RANBP3L: variants seen among roughly 807,000 people sequenced by gnomAD.
RANBP3L encodes the protein ran-binding protein 3-like.
RANBP3L carries 56 observed loss-of-function variants against 67.2 expected under a neutral mutation model. That is an observed-to-expected ratio of 0.83 (90% CI 0.67 to 1.04). The LOEUF (loss-of-function observed/expected upper bound fraction) is 1.04, where lower values mean the gene tolerates loss of function less well. Ranked by LOEUF, RANBP3L falls within the 50% of genes least tolerant of loss-of-function variation. RANBP3L has a pLI of 0.00. For synonymous variants in RANBP3L, 164 were observed against 181.4 expected (o/e 0.90, Z 0.77); for missense variants, 496 against 535.5 (o/e 0.93, Z 0.73).
rs1189160107 is a variant in RANBP3L, at chr5:36,265,014, G to A, written c.425C>T (p.Thr142Ile). 3 of 1,613,766 alleles carry A rather than the reference G, an allele frequency of 1.9e-6. No homozygotes were observed. The African/African-American group carries it at 4.0e-5, about 22-fold the overall frequency. ...AGATTCCAGTGCCTTGTGTCCAAAT[G>A]TTTTTCTTACTTTTGCACAACTTCG... is the stretch of plus-strand genomic sequence containing the variant. ...QARSCAKVRK[T>I]FGHKALESCK... Residue 142 changes from threonine (T) to isoleucine (I), a missense_variant, in exon 6 of 14, where the codon ACA becomes ATA. Thr to Ile is a moderately conservative substitution (Grantham distance 89, BLOSUM62 -1). Coordinates refer to ENST00000296604, the MANE Select transcript of RANBP3L (RefSeq NM_145000.5).
chr5:36,298,746 G>A (rs1752409670), intron 1 of RANBP3L, among the ~76,000 whole-genome samples: 2 of 152,224 alleles, frequency 1.3e-5, no homozygotes, highest in Admixed American at 1.3e-4. Flanking sequence ...GCTTATGTGG[G>A]CAGATATTTT....
chr5:36,275,391 C>T (rs182351536), intron 1 of RANBP3L, among the ~76,000 whole-genome samples: 2 of 152,282 alleles, frequency 1.3e-5, no homozygotes, highest in Admixed American at 6.5e-5. Context: ...CCTCCAAAAC[C>T]ATTGATTTAA....
In RANBP3L at chr5:36,268,730, T is replaced by G. The variant is rs560750609; in HGVS notation, c.268+660A>C. Among the ~76,000 whole-genome samples the G allele has an allele frequency of 3.7e-4, 57 of 152,018 alleles. No homozygotes were observed. The South Asian group carries it at 4.8e-3, about 13-fold the overall frequency. ...GGCGGTTACTTTTTTTTTTTTTTCT[T>G]AGGAGTCTCACACTGTCACCCCACC... On this transcript the variant is annotated intron_variant, in intron 4 of 13. Coordinates refer to ENST00000296604, the MANE Select transcript of RANBP3L (RefSeq NM_145000.5).
At chr5:36,263,650 G>C (rs1052474662) in intron 6 of RANBP3L, among the ~76,000 whole-genome samples, 1 of 151,956 alleles carries the variant, frequency 6.6e-6, no homozygotes. Flanking sequence ...CCACTTCCCG[G>C]GTTCAAGCTA....
At position 36,248,435 on chromosome 5, in the gene RANBP3L, T is replaced by G. The variant is rs1221245172; in HGVS notation, c.*1219A>C. On this transcript the variant is annotated 3_prime_UTR_variant, in exon 14 of 14. Coordinates refer to ENST00000296604, the MANE Select transcript of RANBP3L (RefSeq NM_145000.5). ...TAAACTTTCAGGCAGTAGCTGAAGTTTGACTTAATAAATACTTATATATTT... is the reference window on the plus strand; with the variant it reads ...TAAACTTTCAGGCAGTAGCTGAAGTGTGACTTAATAAATACTTATATATTT... The G allele has an allele frequency of 2.6e-5, 4 of 152,180 alleles. No homozygotes were observed. The highest frequency in any genetic ancestry group is 9.6e-5 in the African/African-American group (4 of 41,472). The allele number at this position is 152,180 out of a possible 1,614,324, so 9.4% of individuals were successfully genotyped here.
intron 1 of RANBP3L, among the ~76,000 whole-genome samples, chr5:36,277,286 C>T (rs376801055): frequency 1.6e-4 from 24 of 152,206 alleles, no homozygotes; most frequent in African/African-American, 5.8e-4. Context: ...TCTTCTCACC[C>T]TTCTTCACCG....
rs1041121524 is a variant in RANBP3L, at chr5:36,285,803, G to A, written c.92-14492C>T. ...TCAATATCCGAGCCTTTGAGATTTA[G>A]CATCATCAACATCAGAAATGAATTT... On this transcript the variant is annotated intron_variant, in intron 1 of 13. Transcript: ENST00000296604. 1.7e-4 allele frequency among the ~76,000 whole-genome samples: 25 copies of A among 149,870 alleles called. No individual in the cohort carries two copies. The Middle Eastern group carries it at 0.01, about 61-fold the overall frequency.
chr5:36,276,901 A>T (rs945931650), intron 1 of RANBP3L, among the ~76,000 whole-genome samples: 1 of 152,216 alleles, frequency 6.6e-6, no homozygotes, highest in African/African-American at 2.4e-5. Flanking sequence ...TTTCTGCTAC[A>T]CAGCTTCCCC....
intron 1 of RANBP3L, among the ~76,000 whole-genome samples, chr5:36,277,453 T>A (rs1213602319): frequency 9.7e-6 from 1 of 103,056 alleles, no homozygotes; most frequent in Admixed American, 9.4e-5. Context: ...TGTGTGTGTG[T>A]GTGTGTGTGT....
intron 4 of RANBP3L, among the ~76,000 whole-genome samples, chr5:36,267,945 A>G (rs1255959767): frequency 2.0e-5 from 3 of 152,230 alleles, no homozygotes; most frequent in African/African-American, 7.2e-5. Flanking sequence ...TAAATAAAAT[A>G]ATACTGTTAT....
chr5:36,300,488 C>T (rs1221346349), intron 1 of RANBP3L, among the ~76,000 whole-genome samples: 6 of 152,108 alleles, frequency 3.9e-5, no homozygotes, highest in African/African-American at 9.7e-5. Flanking sequence ...TCTAAAACTG[C>T]GTCTACAGAA....
In RANBP3L at chr5:36,301,266, C is replaced by T. The variant is rs548514189; in HGVS notation, c.91+60G>A. On this transcript the variant is annotated intron_variant, in intron 1 of 13. Transcript: ENST00000296604. ...GTCCTTCACCAGCCCACCATTCTTC[C>T]TGGAATGCAAATGCACAGAAGGTCA... 14 of 1,290,486 alleles carry T rather than the reference C, an allele frequency of 1.1e-5. No individual in the cohort carries two copies. In the East Asian group the frequency reaches 2.5e-4, roughly 23 times the overall value. 79.9% of individuals were successfully genotyped at this position (1,290,486 alleles called of 1,614,324 possible).
chr5:36,256,821 G>A (rs939530376), intron 10 of RANBP3L, 120 bp downstream of exon 10: 1 of 868,722 alleles, frequency 1.2e-6, no homozygotes, highest in Non-Finnish European at 1.7e-6. Flanking sequence ...TTTTATTTAA[G>A]CAACTTAGTC....
chr5:36,293,436 A>G (rs1344352007), intron 1 of RANBP3L, among the ~76,000 whole-genome samples: 2 of 151,392 alleles, frequency 1.3e-5, no homozygotes, highest in Admixed American at 6.6e-5. Context: ...TTCCAACACT[A>G]TGTTGAATAG....
chr5:36,266,186 G>T (rs965622982), intron 4 of RANBP3L, among the ~76,000 whole-genome samples: 29 of 151,986 alleles, frequency 1.9e-4, no homozygotes, highest in African/African-American at 6.8e-4. Context: ...AGCTCTTATA[G>T]AATATTATAA....
chr5:36,298,352 G>T (rs993304467), intron 1 of RANBP3L, among the ~76,000 whole-genome samples: 2 of 151,208 alleles, frequency 1.3e-5, no homozygotes, highest in African/African-American at 4.9e-5. Flanking sequence ...AGCTAGTCAC[G>T]CCTACAGAAG....
chr5:36,275,499 G>A (rs185089826), intron 1 of RANBP3L, among the ~76,000 whole-genome samples: 13 of 152,170 alleles, frequency 8.5e-5, no homozygotes, highest in Middle Eastern at 3.4e-3. Flanking sequence ...ACTATGCTAA[G>A]GAAAAATCAG....
chr5:36,265,990 A>C lies in RANBP3L; in HGVS notation c.269-470T>G, dbSNP rs944285459. 3.6e-3 allele frequency among the ~76,000 whole-genome samples: 538 copies of C among 149,976 alleles called. 4 individuals carry two copies. Among genetic ancestry groups the C allele is most frequent in the African/African-American group, 0.013 (500 of 39,594 alleles). ...GAGACTCCATTTCAAAAAAAAAAAA[A>C]AAAAAAAAAAGATATTGCCGGATGC... is the stretch of plus-strand genomic sequence containing the variant. On this transcript the variant is annotated intron_variant, in intron 4 of 13. Transcript: ENST00000296604.
chr5:36,255,570 T>C lies in RANBP3L; in HGVS notation c.924A>G (p.Ile308Met). Residue 308 changes from isoleucine (I) to methionine (M), a missense_variant, in exon 11 of 14, where the codon ATA becomes ATG. Physicochemically the swap from Ile to Met is conservative, Grantham distance 10. Transcript: ENST00000296604. ...TCCAGGATTGTGTTGTTTTGTTGAATATGAAAAGCTTGCAGTTTATCTAAA... is the reference window on the plus strand; with the variant it reads ...TCCAGGATTGTGTTGTTTTGTTGAACATGAAAAGCTTGCAGTTTATCTAAA... ...NVLKINCKLF[I>M]FNKTTQSWIE... is the part of the protein sequence containing the mutation. 6.2e-7 allele frequency: 1 copy of C among 1,608,094 alleles called. No individual in the cohort carries two copies. Among genetic ancestry groups the C allele is most frequent in the Non-Finnish European group, 8.5e-7 (1 of 1,176,882 alleles).
Sources: allele counts gnomAD v4.1 joint callset (sites outside exome capture counted in the v4.1 genomes callset), GRCh38; gene constraint gnomAD v4.1.1; transcripts MANE v1.5; gene names NCBI Gene and HGNC (gene_info 2026-07-23, HGNC 2026-07-21).